Variants in PRELID2 observed in about 807,000 individuals in gnomAD.
PRELID2 encodes PRELI domain containing 2.
PRELID2 carries 25 observed loss-of-function variants against 28.4 expected under a neutral mutation model. The observed-to-expected ratio is 0.88, with a 90% CI of 0.64 to 1.23. The LOEUF (loss-of-function observed/expected upper bound fraction) is 1.23, where lower values mean the gene tolerates loss of function less well. Among genes scored for constraint, PRELID2 ranks in the 50% most tolerant of loss-of-function variants. PRELID2 has a pLI of 0.00. For missense variants in PRELID2, 201 were observed against 214.4 expected (o/e 0.94, Z 0.39); for synonymous variants, 76 against 71.6 (o/e 1.06, Z -0.31).
chr5:145,328,958 T>C, the PRELID2 span, among the ~76,000 whole-genome samples: 1 of 152,180 alleles, frequency 6.6e-6, no homozygotes, highest in Non-Finnish European at 1.5e-5. Flanking sequence ...TTGTATAAGG[T>C]GTAAGGAAGG....
intron 1 of PRELID2, among the ~76,000 whole-genome samples, chr5:145,504,588 C>G (rs887822170): frequency 6.6e-6 from 1 of 152,174 alleles, no homozygotes; most frequent in African/African-American, 2.4e-5. Flanking sequence ...ATTCATCTAT[C>G]TGGTTAGGAT....
At chr5:145,471,134 G>C (rs1284248074), downstream of PRELID2, among the ~76,000 whole-genome samples, 2 of 152,086 alleles carry the variant, frequency 1.3e-5, no homozygotes, top group African/African-American at 2.4e-5. Context: ...GCTTAACAAA[G>C]TTGAGTTTGA....
chr5:145,786,211 G>A (rs1367068096), intron 5 of PRELID2, among the ~76,000 whole-genome samples: 10 of 152,174 alleles, frequency 6.6e-5, no homozygotes, highest in Non-Finnish European at 2.9e-5. Flanking sequence ...TCAGCATACA[G>A]GTTGGATAAG....
At chr5:145,435,028 G>C in the PRELID2 span, among the ~76,000 whole-genome samples, 2 of 152,282 alleles carry the variant, frequency 1.3e-5, no homozygotes, top group East Asian at 1.9e-4. Context: ...TCCTTTCAAA[G>C]TTATTCTAAT....
the PRELID2 span, among the ~76,000 whole-genome samples, chr5:145,344,122 A>G: frequency 6.6e-6 from 1 of 152,058 alleles, no homozygotes; most frequent in Non-Finnish European, 1.5e-5. Flanking sequence ...ATTCCAAAAA[A>G]TTTAACAGGA....
At chr5:145,234,997 C>T in the PRELID2 span, among the ~76,000 whole-genome samples, 1 of 152,046 alleles carries the variant, frequency 6.6e-6, no homozygotes, top group Admixed American at 6.6e-5. Flanking sequence ...AACCACCTAT[C>T]AGTTAAGTAA....
the PRELID2 span, among the ~76,000 whole-genome samples, chr5:145,419,892 T>C: frequency 6.6e-6 from 1 of 152,050 alleles, no homozygotes; most frequent in Non-Finnish European, 1.5e-5. Flanking sequence ...TAATCCATCT[T>C]GAATTGATTT....
chr5:145,381,579 C>T, the PRELID2 span: 3 of 152,292 alleles, frequency 2.0e-5, no homozygotes, highest in African/African-American at 4.8e-5. Flanking sequence ...ATTTTAGCTG[C>T]TACTCACCGT....
At chr5:145,526,266 T>C (rs1332443154) in intron 1 of PRELID2, among the ~76,000 whole-genome samples, 1 of 152,154 alleles carries the variant, frequency 6.6e-6, no homozygotes, top group Non-Finnish European at 1.5e-5. Context: ...AGAGATGGGA[T>C]TTAAGTCTAG....
At chr5:145,499,770 GA>G (rs1200446522) in intron 1 of PRELID2, among the ~76,000 whole-genome samples, 3 of 152,212 alleles carry the variant, frequency 2.0e-5, no homozygotes, top group Non-Finnish European at 4.4e-5. Flanking sequence ...CCCTGACCCC[GA>G]AATGAAAGGA....
chr5:145,449,623 G>A, the PRELID2 span, among the ~76,000 whole-genome samples: 1 of 152,094 alleles, frequency 6.6e-6, no homozygotes, highest in Non-Finnish European at 1.5e-5. Flanking sequence ...CAGGTTTCCA[G>A]CCTTGAGGCT....
chr5:145,271,908 T>C, the PRELID2 span, among the ~76,000 whole-genome samples: 1 of 152,160 alleles, frequency 6.6e-6, no homozygotes, highest in African/African-American at 2.4e-5. Context: ...TGTTTGAAAG[T>C]CTCTTCAAAT....
rs1188735131 is a variant in PRELID2, at chr5:145,817,220, A to AATATATAT, written c.368+666_368+673dup. On this transcript the variant is annotated intron_variant, in intron 4 of 6. Transcript: ENST00000683046. ...AAAAATAAATAAATAAATAAAAAAA[A>AATATATAT]ATATATATATATATATACTTTAGAT... Among the ~76,000 whole-genome samples the AATATATAT allele has an allele frequency of 1.2e-4, 8 of 66,510 alleles. 1 individual carries two copies. Among genetic ancestry groups the AATATATAT allele is most frequent in the African/African-American group, 3.2e-4 (8 of 24,632 alleles). 43.6% of individuals were successfully genotyped at this position (66,510 alleles called of 152,430 possible).
the PRELID2 span, among the ~76,000 whole-genome samples, chr5:145,452,161 T>C: frequency 6.6e-6 from 1 of 152,164 alleles, no homozygotes; most frequent in Non-Finnish European, 1.5e-5. Context: ...TTAATCCATT[T>C]TTCTTCCCGA....
chr5:145,339,697 C>A, the PRELID2 span, among the ~76,000 whole-genome samples: 7 of 152,162 alleles, frequency 4.6e-5, no homozygotes, highest in Non-Finnish European at 7.3e-5. Flanking sequence ...GTGTAGGCTG[C>A]AATGGGATCA....
intron 1 of PRELID2, among the ~76,000 whole-genome samples, chr5:145,587,903 T>G (rs571337612): frequency 6.6e-6 from 1 of 152,186 alleles, no homozygotes; most frequent in African/African-American, 2.4e-5. Flanking sequence ...TGAAGTATGA[T>G]AGCAAATGAG....
At chr5:145,660,365 G>A (rs1487210717) in intron 1 of PRELID2, among the ~76,000 whole-genome samples, 4 of 152,110 alleles carry the variant, frequency 2.6e-5, no homozygotes, top group African/African-American at 9.7e-5. Context: ...CCAGCCCAAG[G>A]CAGGACCACA....
At chr5:145,631,801 G>A (rs1753936345) in intron 1 of PRELID2, among the ~76,000 whole-genome samples, 1 of 152,072 alleles carries the variant, frequency 6.6e-6, no homozygotes, top group African/African-American at 2.4e-5. Flanking sequence ...CCCATTTTGT[G>A]TACATATTCA....
At chr5:145,594,402 T>A (rs1260437842) in intron 1 of PRELID2, among the ~76,000 whole-genome samples, 1 of 152,150 alleles carries the variant, frequency 6.6e-6, no homozygotes, top group Non-Finnish European at 1.5e-5. Context: ...TAACATTAAC[T>A]TTTTTTACTA....
Sources: allele counts gnomAD v4.1 joint callset (sites outside exome capture counted in the v4.1 genomes callset), GRCh38; gene constraint gnomAD v4.1.1; transcripts MANE v1.5; gene names NCBI Gene and HGNC (gene_info 2026-07-23, HGNC 2026-07-21).